The following OPCML variants were observed in gnomAD, a reference collection of about 807,000 sequenced individuals.
OPCML encodes the protein opioid binding protein/cell adhesion molecule like, also known as opioid-binding protein/cell adhesion molecule.
Under a neutral mutation model 37.8 loss-of-function variants are expected in OPCML, and 13 were observed. The ratio of observed to expected loss-of-function variants is 0.34; its 90% CI spans 0.22 to 0.55. OPCML has a LOEUF of 0.55. Ranked by LOEUF, OPCML falls within the 20% of genes least tolerant of loss-of-function variation. OPCML has a pLI of 0.91. For synonymous variants in OPCML, 176 were observed against 168.8 expected, an observed-to-expected ratio of 1.04 and a Z score of -0.33; for missense variants, 341 against 435.6, an observed-to-expected ratio of 0.78 and a Z score of 1.93.
intron 2 of OPCML, among the ~76,000 whole-genome samples, chr11:132,677,911 T>A (rs772376463): frequency 3.9e-5 from 6 of 152,080 alleles, no homozygotes; most frequent in Non-Finnish European, 7.4e-5. Context: ...CTGGATTTCA[T>A]TAAAATTAAA....
intron 1 of OPCML, among the ~76,000 whole-genome samples, chr11:133,278,972 G>T (rs750580193): frequency 1.4e-4 from 21 of 152,182 alleles, no homozygotes. Context: ...TCCCGAGCAT[G>T]TTCAACTCCA....
At chr11:133,046,951 T>A (rs1382266101) in intron 1 of OPCML, among the ~76,000 whole-genome samples, 2 of 146,708 alleles carry the variant, frequency 1.4e-5, no homozygotes, top group East Asian at 3.9e-4. Context: ...CTTTACAATT[T>A]TTTTTTTTTT....
intron 1 of OPCML, among the ~76,000 whole-genome samples, chr11:133,324,173 A>C (rs1486152713): frequency 1.3e-5 from 2 of 152,158 alleles, no homozygotes; most frequent in Non-Finnish European, 1.5e-5. Context: ...AATTCCTGAT[A>C]AGGATTTTCT....
intron 1 of OPCML, among the ~76,000 whole-genome samples, chr11:133,015,514 A>G (rs1320800387): frequency 2.6e-5 from 4 of 152,094 alleles, no homozygotes; most frequent in East Asian, 3.9e-4. Flanking sequence ...GTCATTGCAC[A>G]TAACAGTCAT....
At chr11:133,527,586 C>T (rs1191580904) in intron 1 of OPCML, among the ~76,000 whole-genome samples, 2 of 152,194 alleles carry the variant, frequency 1.3e-5, no homozygotes, top group African/African-American at 4.8e-5. Flanking sequence ...AATGTCCTCT[C>T]CCCTTCTCCA....
intron 1 of OPCML, among the ~76,000 whole-genome samples, chr11:132,997,942 A>G (rs368011471): frequency 1.1e-3 from 168 of 152,282 alleles, no homozygotes; most frequent in African/African-American, 3.8e-3. Context: ...TAGCCCTCAC[A>G]GGAGGTTCAC....
intron 1 of OPCML, among the ~76,000 whole-genome samples, chr11:133,416,299 A>G (rs1243347846): frequency 1.3e-5 from 2 of 152,078 alleles, no homozygotes; most frequent in Admixed American, 6.6e-5. Flanking sequence ...ATCCTCCCCA[A>G]CCCCTCTCTA....
At chr11:133,079,025 TC>T (rs1360231979) in intron 1 of OPCML, among the ~76,000 whole-genome samples, 1 of 152,126 alleles carries the variant, frequency 6.6e-6, no homozygotes, top group Non-Finnish European at 1.5e-5. Flanking sequence ...CTCTTGTTGA[TC>T]CAAGCTCATC....
At chr11:132,461,662 G>A (rs184469516) in intron 4 of OPCML, among the ~76,000 whole-genome samples, 270 of 152,262 alleles carry the variant, frequency 1.8e-3, no homozygotes, top group African/African-American at 6.3e-3. Flanking sequence ...TTCTCATACT[G>A]CTAATAAAGA....
chr11:133,309,288 T>A (rs1294933644), intron 1 of OPCML, among the ~76,000 whole-genome samples: 2 of 152,184 alleles, frequency 1.3e-5, no homozygotes, highest in Non-Finnish European at 2.9e-5. Flanking sequence ...ATATACCAGC[T>A]GCTGTCATGA....
intron 1 of OPCML, among the ~76,000 whole-genome samples, chr11:132,977,035 C>A (rs1946480609): frequency 6.6e-6 from 1 of 152,178 alleles, no homozygotes; most frequent in Non-Finnish European, 1.5e-5. Context: ...CTGCTCCCTG[C>A]CTGCACGACA....
At chr11:132,796,877 G>A (rs1938355290) in intron 2 of OPCML, among the ~76,000 whole-genome samples, 1 of 152,064 alleles carries the variant, frequency 6.6e-6, no homozygotes, top group Non-Finnish European at 1.5e-5. Flanking sequence ...CTAATGTGAG[G>A]ATCTTTTCAG....
chr11:133,083,181 G>A (rs1309488831), intron 1 of OPCML, among the ~76,000 whole-genome samples: 1 of 152,034 alleles, frequency 6.6e-6, no homozygotes, highest in East Asian at 1.9e-4. Flanking sequence ...CGAGCGGGCC[G>A]CACAGTCACT....
Position 133,004,564 on chromosome 11 carries a change from A to G in OPCML, c.62-61554T>C, listed in dbSNP as rs1374912647. On this transcript the variant is annotated intron_variant, in intron 1 of 7. Coordinates refer to ENST00000524381, the MANE Select transcript of OPCML (RefSeq NM_001012393.5). ...CTTGGCCGTCCTGACACTGCCTGCC[A>G]ATGCCCATGCAGGCACTGCTGCTCC... is the stretch of plus-strand genomic sequence containing the variant. 3 of 985,418 alleles carry G rather than the reference A, an allele frequency of 3.0e-6. No homozygotes were observed. The East Asian group carries it at 3.4e-4, about 112-fold the overall frequency. The allele number at this position is 985,418 out of a possible 1,614,324, so 61.0% of individuals were successfully genotyped here.
chr11:133,519,328 T>G (rs1948353962), intron 1 of OPCML, among the ~76,000 whole-genome samples: 1 of 152,282 alleles, frequency 6.6e-6, no homozygotes, highest in Non-Finnish European at 1.5e-5. Context: ...TTAACATATT[T>G]TTATGCATTA....
intron 4 of OPCML, among the ~76,000 whole-genome samples, chr11:132,491,044 A>C (rs1346853429): frequency 1.3e-5 from 2 of 152,130 alleles, no homozygotes; most frequent in African/African-American, 4.8e-5. Flanking sequence ...ATCTGTTAGC[A>C]AAGCCTGGCT....
At chr11:132,730,650 T>C (rs1945045924) in intron 2 of OPCML, among the ~76,000 whole-genome samples, 1 of 152,040 alleles carries the variant, frequency 6.6e-6, no homozygotes, top group Non-Finnish European at 1.5e-5. Context: ...TTAGAATGTT[T>C]ACTGGCCTCA....
intron 1 of OPCML, among the ~76,000 whole-genome samples, chr11:133,284,116 A>G (rs988450201): frequency 6.6e-6 from 1 of 152,212 alleles, no homozygotes; most frequent in Non-Finnish European, 1.5e-5. Context: ...AGAATATTTC[A>G]TGTCTTTATG....
rs117793716 is a variant in OPCML, at chr11:132,493,953, C to T, written c.505+35108G>A. On this transcript the variant is annotated intron_variant, in intron 4 of 7. Coordinates refer to ENST00000524381, the MANE Select transcript of OPCML (RefSeq NM_001012393.5). ...ACAATTTCCGCTTGTTGTGGGAGCA[C>T]GGGCAACCTCTGCTGGAGCTTCCTA... Among the ~76,000 whole-genome samples, 59 of 152,282 alleles carry T rather than the reference C, an allele frequency of 3.9e-4. No homozygotes were observed. In the East Asian group the frequency reaches 7.0e-3, roughly 18 times the overall value.
Sources: gnomAD v4.1 joint callset for allele counts (sites outside exome capture counted in the v4.1 genomes callset) on GRCh38, gnomAD v4.1.1 for gene constraint, MANE v1.5 for transcripts, NCBI Gene and HGNC (gene_info 2026-07-23, HGNC 2026-07-21) for gene names.